The following GRID1 variants were observed in gnomAD, a reference collection of about 807,000 sequenced individuals.
GRID1 encodes the protein glutamate ionotropic receptor delta type subunit 1.
Under a neutral mutation model 98.0 loss-of-function variants are expected in GRID1, and 28 were observed. That is an observed-to-expected ratio of 0.29 (90% CI 0.21 to 0.39). The LOEUF (loss-of-function observed/expected upper bound fraction) is 0.39. Among genes scored for constraint, GRID1 ranks in the 10% least tolerant of loss-of-function variants. The pLI is 1.00. For synonymous variants in GRID1, 553 were observed against 538.5 expected (o/e 1.03, Z -0.37); for missense variants, 1,111 against 1,340.5 (o/e 0.83, Z 2.67).
intron 4 of GRID1, among the ~76,000 whole-genome samples, chr10:85,967,225 T>C (rs1005223627): frequency 1.3e-5 from 2 of 152,204 alleles, no homozygotes; most frequent in East Asian, 3.8e-4. Context: ...TATGTCTTTA[T>C]TGCAGCATGA....
At chr10:85,801,775 T>C (rs1842578503) in intron 8 of GRID1, among the ~76,000 whole-genome samples, 1 of 151,820 alleles carries the variant, frequency 6.6e-6, no homozygotes, top group Non-Finnish European at 1.5e-5. Context: ...CTATTCAACA[T>C]TATACTACAT....
intron 6 of GRID1, among the ~76,000 whole-genome samples, chr10:85,860,387 G>A (rs1194905060): frequency 1.3e-5 from 2 of 152,190 alleles, no homozygotes; most frequent in Non-Finnish European, 2.9e-5. Flanking sequence ...TCAAGGCCAT[G>A]GGCATGGCAG....
chr10:85,984,335 G>A (rs1336144285), intron 4 of GRID1, among the ~76,000 whole-genome samples: 1 of 152,206 alleles, frequency 6.6e-6, no homozygotes, highest in Non-Finnish European at 1.5e-5. Context: ...TTAAGCCCAA[G>A]GGTCTCCTTC....
At chr10:86,097,944 C>A (rs1419798884) in intron 4 of GRID1, among the ~76,000 whole-genome samples, 2 of 152,164 alleles carry the variant, frequency 1.3e-5, no homozygotes, top group Admixed American at 6.5e-5. Flanking sequence ...AAAAAAAATT[C>A]CAGACATGAA....
intron 2 of GRID1, among the ~76,000 whole-genome samples, chr10:86,211,093 G>C (rs888642063): frequency 1.1e-4 from 16 of 152,168 alleles, no homozygotes; most frequent in Admixed American, 9.2e-4. Context: ...AAATAAAGAT[G>C]ATGGCTCCCT....
intron 4 of GRID1, among the ~76,000 whole-genome samples, chr10:86,001,551 C>T (rs1589331615): frequency 6.6e-6 from 1 of 152,144 alleles, no homozygotes; most frequent in East Asian, 1.9e-4. Flanking sequence ...TTCAATCTTT[C>T]TTGTTTGTCA....
At chr10:86,310,978 C>T (rs891945463) in intron 2 of GRID1, among the ~76,000 whole-genome samples, 3 of 151,898 alleles carry the variant, frequency 2.0e-5, no homozygotes, top group East Asian at 1.9e-4. Flanking sequence ...GAAAGAGCCT[C>T]GTGGGTCAAG....
intron 4 of GRID1, among the ~76,000 whole-genome samples, chr10:86,097,177 A>G (rs140180686): frequency 2.1e-4 from 32 of 152,294 alleles, no homozygotes; most frequent in Admixed American, 5.2e-4. Context: ...CAGCATCCCA[A>G]TGTCTCTGGC....
chr10:85,725,551 C>T (rs1013287547), intron 10 of GRID1, among the ~76,000 whole-genome samples: 1 of 152,100 alleles, frequency 6.6e-6, no homozygotes, highest in Non-Finnish European at 1.5e-5. Context: ...TGGGTGGATG[C>T]CAGGTGACAA....
At chr10:85,837,503 C>T (rs1017329213) in intron 8 of GRID1, among the ~76,000 whole-genome samples, 1 of 152,142 alleles carries the variant, frequency 6.6e-6, no homozygotes, top group African/African-American at 2.4e-5. Flanking sequence ...TACAAGTTCT[C>T]CAGAGTTAGA....
intron 2 of GRID1, among the ~76,000 whole-genome samples, chr10:86,306,153 G>A (rs17096224): frequency 6.6e-6 from 1 of 152,190 alleles, no homozygotes; most frequent in Non-Finnish European, 1.5e-5. Flanking sequence ...TCAAGGCTTT[G>A]GGCAAACAAG....
intron 13 of GRID1, among the ~76,000 whole-genome samples, chr10:85,635,443 G>A (rs1843027975): frequency 6.6e-6 from 1 of 152,070 alleles, no homozygotes; most frequent in Non-Finnish European, 1.5e-5. Context: ...TGCCCTTACT[G>A]CAAGTGGACC....
At chr10:85,816,339 A>C (rs1842715749) in intron 8 of GRID1, among the ~76,000 whole-genome samples, 1 of 152,244 alleles carries the variant, frequency 6.6e-6, no homozygotes, top group Admixed American at 6.5e-5. Flanking sequence ...AATACTATTT[A>C]GCAAGAAAAT....
At chr10:85,789,054 A>T (rs955374310) in intron 8 of GRID1, among the ~76,000 whole-genome samples, 7 of 152,224 alleles carry the variant, frequency 4.6e-5, no homozygotes, top group Admixed American at 2.6e-4. Flanking sequence ...ATTGTACATT[A>T]AGTGTTTCTG....
At chr10:86,034,894 A>G (rs1297518698) in intron 4 of GRID1, among the ~76,000 whole-genome samples, 1 of 146,574 alleles carries the variant, frequency 6.8e-6, no homozygotes, top group Non-Finnish European at 1.5e-5. Flanking sequence ...GGATAGATCA[A>G]TGGATTGGTG....
intron 2 of GRID1, among the ~76,000 whole-genome samples, chr10:86,276,054 G>A (rs1053348387): frequency 6.6e-6 from 1 of 152,268 alleles, no homozygotes; most frequent in Non-Finnish European, 1.5e-5. Context: ...CATGTACAAG[G>A]GATTCCCAAT....
intron 12 of GRID1, among the ~76,000 whole-genome samples, chr10:85,706,212 C>G (rs1590198000): frequency 6.6e-6 from 1 of 152,086 alleles, no homozygotes; most frequent in Non-Finnish European, 1.5e-5. Flanking sequence ...TCTAGAAAAC[C>G]GCATCGTCTC....
intron 4 of GRID1, among the ~76,000 whole-genome samples, chr10:85,992,316 C>G (rs1441052982): frequency 6.6e-6 from 1 of 152,124 alleles, no homozygotes; most frequent in East Asian, 1.9e-4. Context: ...CACTCAGGCA[C>G]AGGTATGCAA....
intron 3 of GRID1, among the ~76,000 whole-genome samples, chr10:86,176,998 G>A (rs1845584454): frequency 6.6e-6 from 1 of 152,070 alleles, no homozygotes; most frequent in South Asian, 2.1e-4. Flanking sequence ...GGTGAGTTCA[G>A]ATTCAGCATC....
Sources: gnomAD v4.1 joint callset for allele counts (sites outside exome capture counted in the v4.1 genomes callset) on GRCh38, gnomAD v4.1.1 for gene constraint, MANE v1.5 for transcripts, NCBI Gene and HGNC (gene_info 2026-07-23, HGNC 2026-07-21) for gene names.